SGPL1: variants seen among roughly 807,000 people sequenced by gnomAD.
SGPL1 encodes the protein SP-lyase 1.
A neutral mutation model predicts 68.9 loss-of-function variants in SGPL1; 37 were observed. That is an observed-to-expected ratio of 0.54 (90% CI 0.41 to 0.71). SGPL1 has a LOEUF of 0.71. SGPL1 is among the 30% of genes least tolerant of loss of function. SGPL1 has a pLI of 0.00. For synonymous variants in SGPL1, 236 were observed against 248.5 expected, an observed-to-expected ratio of 0.95 and a Z score of 0.47; for missense variants, 551 against 704.6, an observed-to-expected ratio of 0.78 and a Z score of 2.47.
At chr10:70,871,447 A>G (rs10509326) in intron 10 of SGPL1, among the ~76,000 whole-genome samples, 27,043 of 152,176 alleles carry the variant, frequency 0.18, 3,061 homozygotes, top group South Asian at 0.32. Context: ...TGTGCCCACC[A>G]AAAGGGTGAT....
At chr10:70,830,517 A>C (rs56168815) in intron 2 of SGPL1, among the ~76,000 whole-genome samples, 15 of 152,306 alleles carry the variant, frequency 9.8e-5, no homozygotes, top group Non-Finnish European at 1.8e-4. Context: ...TTTTTATTGC[A>C]GTTACAGGGC....
chr10:70,820,485 G>A (rs1845318764), intron 2 of SGPL1: 1 of 152,046 alleles, frequency 6.6e-6, no homozygotes, highest in Admixed American at 6.6e-5. Flanking sequence ...ATTAAATCTT[G>A]TTTATTGGGT....
chr10:70,871,754 C>T lies in SGPL1; in HGVS notation c.910-83C>T. The T allele has an allele frequency of 2.3e-6, 3 of 1,326,504 alleles. No individual in the cohort carries two copies. The South Asian group carries it at 4.3e-5, about 19-fold the overall frequency. The allele number at this position is 1,326,504 out of a possible 1,614,324, so 82.2% of individuals were successfully genotyped here. A position where few individuals can be genotyped will look rare whatever the true frequency, so the allele number is the denominator to read the frequency against. On this transcript the variant is annotated intron_variant, in intron 10 of 14. Transcript: ENST00000373202. ...ATACAAAATAGCCTTGTGTTTATAG[C>T]CCATCTTTCCACCCATGTCTTGCAG... is the stretch of plus-strand genomic sequence containing the variant.
chr10:70,828,977 C>T (rs549971983), intron 2 of SGPL1, among the ~76,000 whole-genome samples: 3 of 152,060 alleles, frequency 2.0e-5, no homozygotes, highest in Admixed American at 6.6e-5. Context: ...TCCTGAAGGG[C>T]GCTGGGGAGG....
chr10:70,862,045 GGCAGGCAGCTCCAGTCCT>G (rs1247958998), intron 7 of SGPL1, among the ~76,000 whole-genome samples: 7 of 148,654 alleles, frequency 4.7e-5, no homozygotes, highest in South Asian at 2.1e-4. Flanking sequence ...GCGCAGGACT[GGCAGGCAGCTCCAGTCCT>G]GCAGGCAGCT....
At chr10:70,841,768 C>A (rs1490969605) in intron 2 of SGPL1, among the ~76,000 whole-genome samples, 2 of 152,092 alleles carry the variant, frequency 1.3e-5, no homozygotes, top group East Asian at 3.8e-4. Context: ...CTTTCATGTT[C>A]CTACTAGAAC....
At chr10:70,852,232 C>T (rs955257454) in intron 4 of SGPL1, among the ~76,000 whole-genome samples, 4 of 152,182 alleles carry the variant, frequency 2.6e-5, no homozygotes, top group Admixed American at 1.3e-4. Context: ...AACCCCTGAC[C>T]TAAAGTTGGC....
rs181877364 is a variant in SGPL1, at chr10:70,823,483, A to G, written c.27+6603A>G. 6.9e-3 allele frequency among the ~76,000 whole-genome samples: 1,042 copies of G among 151,324 alleles called. 16 individuals carry two copies. The highest frequency in any genetic ancestry group is 0.024 in the African/African-American group (996 of 41,270). On this transcript the variant is annotated intron_variant, in intron 2 of 14. Transcript: ENST00000373202. ...CACTATTTTGTTGAAAAGGTTTTGC[A>G]TTTAAAAAGAAAAATATGTAAAATC...
At chr10:70,829,734 A>G (rs1408720840) in intron 2 of SGPL1, among the ~76,000 whole-genome samples, 2 of 152,160 alleles carry the variant, frequency 1.3e-5, no homozygotes, top group Non-Finnish European at 2.9e-5. Flanking sequence ...TTACCAGTCC[A>G]GACTTTCTAG....
intron 2 of SGPL1, among the ~76,000 whole-genome samples, chr10:70,826,913 A>C (rs898816853): frequency 6.6e-6 from 1 of 152,220 alleles, no homozygotes; most frequent in Non-Finnish European, 1.5e-5. Context: ...ACTAAACTGC[A>C]GTTATTTATC....
chr10:70,837,974 C>T (rs1232489644), intron 2 of SGPL1, among the ~76,000 whole-genome samples: 1 of 152,100 alleles, frequency 6.6e-6, no homozygotes, highest in Non-Finnish European at 1.5e-5. Context: ...AGCCCACTCC[C>T]AAGATAATGG....
chr10:70,823,253 A>G (rs1342755015), intron 2 of SGPL1, among the ~76,000 whole-genome samples: 1 of 151,256 alleles, frequency 6.6e-6, no homozygotes, highest in Non-Finnish European at 1.5e-5. Context: ...TATTCCCTGT[A>G]GCCAGACATT....
intron 2 of SGPL1, among the ~76,000 whole-genome samples, chr10:70,825,267 C>G (rs1845412840): frequency 6.6e-6 from 1 of 152,166 alleles, no homozygotes; most frequent in South Asian, 2.1e-4. Flanking sequence ...CCTCTGATCT[C>G]CTGCTGTAGC....
At chr10:70,853,601 T>C (rs75318824) in intron 4 of SGPL1, among the ~76,000 whole-genome samples, 1,826 of 152,302 alleles carry the variant, frequency 0.012, 14 homozygotes, top group Non-Finnish European at 0.021. Flanking sequence ...TCCTGTGTGC[T>C]CCATTGCCTA....
At chr10:70,844,737 T>TTTTG (rs901093940) in intron 3 of SGPL1, 99 bp downstream of exon 3, 9 of 1,193,318 alleles carry the variant, frequency 7.5e-6, no homozygotes, top group Admixed American at 6.3e-5. Flanking sequence ...TTGGTTGTTT[T>TTTTG]TTTGTTTGTT....
intron 2 of SGPL1, among the ~76,000 whole-genome samples, chr10:70,833,402 C>T (rs1317382164): frequency 6.6e-6 from 1 of 152,162 alleles, no homozygotes; most frequent in Non-Finnish European, 1.5e-5. Context: ...GATTCAGTTT[C>T]CTCAAACGTT....
chr10:70,875,330 A>C, intron 12 of SGPL1, 72 bp from the exon 13 acceptor site: 2 of 967,446 alleles, frequency 2.1e-6, no homozygotes, highest in Non-Finnish European at 3.2e-6. Context: ...GAATGATTAA[A>C]GAGATAGTGA....
At chr10:70,850,220 G>A (rs1363161612) in intron 3 of SGPL1, among the ~76,000 whole-genome samples, 2 of 151,888 alleles carry the variant, frequency 1.3e-5, no homozygotes, top group African/African-American at 4.8e-5. Context: ...TCACTGTGTT[G>A]CCCAGGCTGG....
intron 5 of SGPL1, chr10:70,857,299 T>C (rs767698119): frequency 8.1e-5 from 27 of 332,594 alleles, no homozygotes; most frequent in Non-Finnish European, 1.2e-4. Context: ...AAAATAAGTA[T>C]AGACAAAGGC....
Sources: allele counts gnomAD v4.1 joint callset (sites outside exome capture counted in the v4.1 genomes callset), GRCh38; gene constraint gnomAD v4.1.1; transcripts MANE v1.5; gene names NCBI Gene and HGNC (gene_info 2026-07-23, HGNC 2026-07-21).